ZNFX1: variants seen among roughly 807,000 people sequenced by gnomAD.
The protein encoded by ZNFX1 is zinc finger NFX1-type containing 1, also known as NFX1-type zinc finger-containing protein 1.
In ZNFX1, 78 loss-of-function variants were observed where a neutral mutation model predicts 179.8. The ratio of observed to expected loss-of-function variants is 0.43; its 90% CI spans 0.36 to 0.52. ZNFX1 has a LOEUF of 0.52. ZNFX1 is among the 20% of genes least tolerant of loss of function. The pLI is 0.00. For missense variants in ZNFX1, 1,927 were observed against 2,386.6 expected (o/e 0.81, Z 4.01); for synonymous variants, 848 against 868.5 (o/e 0.98, Z 0.42).
intron 1 of ZNFX1, among the ~76,000 whole-genome samples, chr20:49,277,754 G>A (rs1343973352): frequency 6.6e-6 from 1 of 150,628 alleles, no homozygotes; most frequent in Non-Finnish European, 1.5e-5. Flanking sequence ...AGGGGGAGAC[G>A]GGGCGCTGAG....
chr20:49,272,258 A>G (rs1032065049), intron 2 of ZNFX1, among the ~76,000 whole-genome samples: 5 of 151,488 alleles, frequency 3.3e-5, no homozygotes, highest in African/African-American at 1.2e-4. Context: ...GCTCACTGCA[A>G]CCTCTGCCTC....
rs1981347679 is a variant in ZNFX1 at position 49,270,276 on chromosome 20, A to T, written c.1536T>A (p.Phe512Leu). The change falls in exon 3 of 14, where the codon TTT becomes TTA. Residue 512 changes from phenylalanine to leucine, a missense_variant. Phe to Leu is a conservative substitution (Grantham distance 22, BLOSUM62 0). Transcript: ENST00000396105. The surrounding 1 kb of genome is among the most constrained non-coding windows in gnomAD (Gnocchi z 4.6). ...CTTCCAGGACGTGCCTGTAGGCCTCAAAGTATGCAGTTGTCTCTACCATGA... is the reference window on the plus strand; with the variant it reads ...CTTCCAGGACGTGCCTGTAGGCCTCTAAGTATGCAGTTGTCTCTACCATGA... ...SFLMVETTAY[F>L]EAYRHVLEGL... is the part of the protein sequence containing the mutation. The T allele has an allele frequency of 6.2e-7, 1 of 1,613,978 alleles. No homozygotes were observed. Among genetic ancestry groups the T allele is most frequent in the Non-Finnish European group, 8.5e-7 (1 of 1,180,048 alleles).
At chr20:49,266,013 G>T in intron 4 of ZNFX1, 122 bp downstream of exon 4, 1 of 1,090,754 alleles carries the variant, frequency 9.2e-7, no homozygotes, top group Non-Finnish European at 1.3e-6. Flanking sequence ...GATCACAAAC[G>T]GCCATGTAAG....
intron 13 of ZNFX1, among the ~76,000 whole-genome samples, chr20:49,251,018 A>C (rs897141345): frequency 2.7e-5 from 4 of 149,582 alleles, no homozygotes; most frequent in African/African-American, 9.8e-5. Context: ...CAGAATTCTT[A>C]TATAACTTGC....
chr20:49,273,210 G>A (rs1981466081), intron 2 of ZNFX1, among the ~76,000 whole-genome samples: 1 of 152,054 alleles, frequency 6.6e-6, no homozygotes, highest in African/African-American at 2.4e-5. Flanking sequence ...TTGGCTCACT[G>A]CAACCTCCGC....
intron 3 of ZNFX1, among the ~76,000 whole-genome samples, chr20:49,267,970 T>C (rs1281231121): frequency 1.3e-5 from 2 of 151,542 alleles, no homozygotes; most frequent in Non-Finnish European, 2.9e-5. Flanking sequence ...GCCTCCTGGG[T>C]TCACGCCATT....
rs149676789 is a variant in ZNFX1 at position 49,247,911 on chromosome 20, A to G, written c.5113T>C (p.Tyr1705His). The stretch of plus-strand genomic sequence containing the variant: ...GCCAGGTGGTCATAGAAGCTGATGT[A>G]ATTCTCAACCAGACCCAGGTCCTTC... ...SVKDLGLVEN[Y>H]ISFYDHLASL... The change falls in exon 14 of 14, where the codon TAC becomes CAC. Residue 1705 changes from tyrosine (Y) to histidine (H), a missense_variant. Physicochemically the swap from Tyr to His is moderately conservative, Grantham distance 83. Transcript: ENST00000396105. The G allele has an allele frequency of 1.1e-5, 18 of 1,614,116 alleles. No individual in the cohort carries two copies. The African/African-American group carries it at 2.1e-4, about 19-fold the overall frequency.
intron 3 of ZNFX1, among the ~76,000 whole-genome samples, chr20:49,268,397 T>C (rs1053277117): frequency 6.6e-6 from 1 of 152,200 alleles, no homozygotes; most frequent in African/African-American, 2.4e-5. Context: ...TTACTATGCA[T>C]GACAATGGGT....
chr20:49,255,134 T>C (rs1453924747), intron 9 of ZNFX1, among the ~76,000 whole-genome samples: 1 of 148,800 alleles, frequency 6.7e-6, no homozygotes, highest in Non-Finnish European at 1.5e-5. Context: ...AACCTCCACC[T>C]CCGGGTTCAA....
At chr20:49,258,129 C>G (rs1480526376) in intron 7 of ZNFX1, among the ~76,000 whole-genome samples, 3 of 142,896 alleles carry the variant, frequency 2.1e-5, no homozygotes, top group African/African-American at 7.8e-5. Flanking sequence ...CGGAGTTTCA[C>G]TCGTTGCCCA....
Position 49,254,760 on chromosome 20 carries a change from A to G in ZNFX1, c.2805-111T>C, listed in dbSNP as rs1001471928. 9 of 1,179,208 alleles carry G rather than the reference A, an allele frequency of 7.6e-6. No individual in the cohort carries two copies. The African/African-American group carries it at 1.4e-4, about 18-fold the overall frequency. 73.0% of individuals were successfully genotyped at this position (1,179,208 alleles called of 1,614,324 possible). ...AGTGAACCTTGGACCCTTGGAGCAT[A>G]GTGACAAACAGAGAGATACATTCAG... is the stretch of plus-strand genomic sequence containing the variant. On this transcript the variant is annotated intron_variant, in intron 9 of 13. Coordinates refer to ENST00000396105, the MANE Select transcript of ZNFX1 (RefSeq NM_021035.3).
chr20:49,268,016 G>A (rs914848853), intron 3 of ZNFX1, among the ~76,000 whole-genome samples: 3 of 152,032 alleles, frequency 2.0e-5, no homozygotes, highest in Non-Finnish European at 4.4e-5. Flanking sequence ...TGGGACTACA[G>A]GCGCCTGCCA....
In ZNFX1 at chr20:49,270,846, C is replaced by A; in HGVS notation, c.966G>T (p.Val322=). 1.9e-6 allele frequency: 3 copies of A among 1,614,182 alleles called. No individual in the cohort carries two copies. The highest frequency in any genetic ancestry group is 2.5e-6 in the Non-Finnish European group (3 of 1,180,040). The change falls in exon 3 of 14, where the codon GTG becomes GTT. Residue 322 remains valine, a synonymous_variant. Transcript: ENST00000396105. The surrounding 1 kb of genome is among the most constrained non-coding windows in gnomAD (Gnocchi z 4.6). ...CAACATGGTCTTCTGCCTCAGGCTG[C>A]ACTAGAGTGTAGGTATCCACTCTCA... ...GTLRVDTYTL[V]QPEAEDHVES... is the part of the protein sequence containing the mutation.
At chr20:49,255,020 A>G (rs1980934268) in intron 9 of ZNFX1, among the ~76,000 whole-genome samples, 1 of 149,634 alleles carries the variant, frequency 6.7e-6, no homozygotes, top group Admixed American at 6.7e-5. Context: ...TCGCTGTAAA[A>G]CTTTCCAACG....
chr20:49,271,846 T>A, intron 2 of ZNFX1, 96 bp from the exon 3 acceptor site: 1 of 1,404,182 alleles, frequency 7.1e-7, no homozygotes, highest in Non-Finnish European at 9.5e-7. Context: ...CCAAAATAAC[T>A]AAAGAGCTCA....
At chr20:49,257,917 T>A (rs1157835397) in intron 7 of ZNFX1, among the ~76,000 whole-genome samples, 3 of 151,830 alleles carry the variant, frequency 2.0e-5, no homozygotes, top group African/African-American at 7.3e-5. Context: ...TTTCACCATG[T>A]TGGTCAGGCT....
Position 49,253,651 on chromosome 20 carries a change from G to A in ZNFX1, c.3105+15C>T, listed in dbSNP as rs1390130676. 2 of 1,613,654 alleles carry A rather than the reference G, an allele frequency of 1.2e-6. No homozygotes were observed. The highest frequency in any genetic ancestry group is 1.7e-6 in the Non-Finnish European group (2 of 1,179,938). On this transcript the variant is annotated intron_variant, in intron 11 of 13. Transcript: ENST00000396105. ...CGGAGAGCCAGCCCATCTTCTAGGG[G>A]GACTCTCGTTTTACCTGCTGGTGGT...
chr20:49,250,750 C>T (rs238211), intron 13 of ZNFX1, among the ~76,000 whole-genome samples: 103,545 of 151,710 alleles, frequency 0.68, 36,270 homozygotes, highest in Non-Finnish European at 0.77. Flanking sequence ...CGGGGTTTCA[C>T]CATGTTGGCC....
At position 49,259,109 on chromosome 20, in the gene ZNFX1, C is replaced by CA. The variant is rs1380256614; in HGVS notation, c.2416+1353dup. Among the ~76,000 whole-genome samples, 121 of 91,610 alleles carry CA rather than the reference C, an allele frequency of 1.3e-3. 1 individual carries two copies. The highest frequency in any genetic ancestry group is 2.7e-3 in the South Asian group (8 of 2,962). The allele number at this position is 91,610 out of a possible 152,430, so 60.1% of individuals were successfully genotyped here. A position where few individuals can be genotyped will look rare whatever the true frequency, so the allele number is the denominator to read the frequency against. On this transcript the variant is annotated intron_variant, in intron 7 of 13. Transcript: ENST00000396105. Reference sequence around the variant, plus strand: ...AGAGTGAGACTGTGAGACTCAGTCTCAAAAAAAAATAAATAAATAAATAAA... The same window carrying CA: ...AGAGTGAGACTGTGAGACTCAGTCTCAAAAAAAAAATAAATAAATAAATAAA...
Sources: gnomAD v4.1 joint callset for allele counts (sites outside exome capture counted in the v4.1 genomes callset) on GRCh38, gnomAD v4.1.1 for gene constraint, Gnocchi (gnomAD v3.1) non-coding constraint, MANE v1.5 for transcripts, NCBI Gene and HGNC (gene_info 2026-07-23, HGNC 2026-07-21) for gene names.